POTEJ: variants seen among roughly 807,000 people sequenced by gnomAD.
POTEJ encodes POTE ankyrin domain family member J, also known as POTE ankyrin domain family, member J.
In POTEJ, 11 loss-of-function variants were observed where a neutral mutation model predicts 69.0. The observed-to-expected ratio is 0.16, with a 90% CI of 0.10 to 0.26. The LOEUF (loss-of-function observed/expected upper bound fraction) is 0.26. POTEJ is among the 10% of genes least tolerant of loss of function. The pLI is 1.00. For synonymous variants in POTEJ, 117 were observed against 381.1 expected, an observed-to-expected ratio of 0.31 and a Z score of 8.07; for missense variants, 327 against 1,045.5, an observed-to-expected ratio of 0.31 and a Z score of 9.48.
At position 130,657,421 on chromosome 2, in the gene POTEJ, G is replaced by C; in HGVS notation, c.2661G>C (p.Glu887Asp). ...EKLCYVALDF[E>D]QEMAMVASSS... The stretch of plus-strand genomic sequence containing the variant: ...TGTGCTATGTTGCCCTGGACTTCGA[G>C]CAGGAGATGGCCATGGTGGCCTCCA... Residue 887 changes from glutamate (E) to aspartate (D), a missense_variant, in exon 15 of 15, where the codon GAG (glutamate) becomes GAC (aspartate). By Grantham distance (45) the Glu-to-Asp change is conservative. Transcript: ENST00000409602. 3.1e-6 allele frequency: 5 copies of C among 1,600,126 alleles called. No individual in the cohort carries two copies. The South Asian group carries it at 5.5e-5, about 18-fold the overall frequency.
At chr2:130,632,284 A>T (rs1685931340) in intron 8 of POTEJ, among the ~76,000 whole-genome samples, 1 of 148,984 alleles carries the variant, frequency 6.7e-6, no homozygotes. Flanking sequence ...AATGAAGCAA[A>T]CTTTACAAAA....
chr2:130,625,470 T>G (rs1192402945), intron 6 of POTEJ, among the ~76,000 whole-genome samples: 1 of 151,938 alleles, frequency 6.6e-6, no homozygotes, highest in East Asian at 1.9e-4. Flanking sequence ...TATGATTTAT[T>G]ATATATTGAT....
intron 9 of POTEJ, among the ~76,000 whole-genome samples, chr2:130,637,067 A>T (rs1686120191): frequency 6.8e-6 from 1 of 146,870 alleles, no homozygotes; most frequent in Non-Finnish European, 1.5e-5. Flanking sequence ...TGACAGAGCA[A>T]GACTCCGTCT....
At chr2:130,655,976 G>C (rs1482632008) in intron 14 of POTEJ, among the ~76,000 whole-genome samples, 2 of 141,228 alleles carry the variant, frequency 1.4e-5, no homozygotes, top group Non-Finnish European at 3.1e-5. Context: ...GCTTAGATTT[G>C]ACAGTTATAA....
At chr2:130,638,197 TA>T (rs201405611) in intron 9 of POTEJ, among the ~76,000 whole-genome samples, 3 of 133,902 alleles carry the variant, frequency 2.2e-5, no homozygotes, top group Non-Finnish European at 5.0e-5. Context: ...TTTGAGCATT[TA>T]AAAAAATGTT....
At chr2:130,613,416 T>TG (rs1685315702) in intron 1 of POTEJ, among the ~76,000 whole-genome samples, 8 of 100,338 alleles carry the variant, frequency 8.0e-5, no homozygotes, top group East Asian at 3.2e-4. Flanking sequence ...ATATACTTTT[T>TG]TTTTTGGTGG....
At chr2:130,626,885 G>C (rs1685729730) in intron 6 of POTEJ, among the ~76,000 whole-genome samples, 1 of 152,148 alleles carries the variant, frequency 6.6e-6, no homozygotes, top group African/African-American at 2.4e-5. Flanking sequence ...TTTCATGTAA[G>C]AAATAACATT....
chr2:130,613,312 ACATATATATACATATGTATATAT>A, intron 1 of POTEJ, among the ~76,000 whole-genome samples: 1 of 134,240 alleles, frequency 7.4e-6, no homozygotes, highest in East Asian at 2.1e-4. Context: ...ATGTATATAT[ACATATATATACATATGTATATAT>A]ACATATATAT....
Position 130,630,843 on chromosome 2 carries a change from T to C in POTEJ, c.1087-566T>C, listed in dbSNP as rs1353935838. The stretch of plus-strand genomic sequence containing the variant: ...ATAATCTGGATACATAACACTATCA[T>C]ATGACAGTATATAATCTCAATTAAA... On this transcript the variant is annotated intron_variant, in intron 7 of 14. Transcript: ENST00000409602. 4.1e-5 allele frequency among the ~76,000 whole-genome samples: 6 copies of C among 144,648 alleles called. 1 individual carries two copies. Among genetic ancestry groups the C allele is most frequent in the Non-Finnish European group, 7.6e-5 (5 of 66,056 alleles). The allele number at this position is 144,648 out of a possible 152,430, so 94.9% of individuals were successfully genotyped here. A position where few individuals can be genotyped will look rare whatever the true frequency, so the allele number is the denominator to read the frequency against.
intron 10 of POTEJ, among the ~76,000 whole-genome samples, chr2:130,640,506 C>T (rs1171757924): frequency 6.7e-6 from 1 of 150,342 alleles, no homozygotes; most frequent in Non-Finnish European, 1.5e-5. Flanking sequence ...TCATTGATAT[C>T]CTAGGATCCC....
At chr2:130,617,865 AG>A (rs1360317349) in intron 3 of POTEJ, among the ~76,000 whole-genome samples, 1 of 152,312 alleles carries the variant, frequency 6.6e-6, no homozygotes, top group African/African-American at 2.4e-5. Context: ...TGGTGAGACA[AG>A]GTTCTCTTCA....
chr2:130,623,955 G>C, intron 5 of POTEJ, 109 bp from the exon 6 acceptor site: 1 of 1,054,204 alleles, frequency 9.5e-7, no homozygotes, highest in Non-Finnish European at 1.3e-6. Context: ...ATACTATTAA[G>C]TTCTGATATT....
chr2:130,633,738 TG>T (rs1558924507), intron 9 of POTEJ, among the ~76,000 whole-genome samples: 2 of 143,182 alleles, frequency 1.4e-5, no homozygotes, highest in Admixed American at 6.9e-5. Flanking sequence ...ACCCTCAATC[TG>T]AATATTGCCA....
intron 13 of POTEJ, among the ~76,000 whole-genome samples, chr2:130,650,118 A>T (rs1460961877): frequency 3.9e-5 from 6 of 152,280 alleles, no homozygotes; most frequent in Admixed American, 3.9e-4. Context: ...CTCTAACGTA[A>T]TTGAGGGAAG....
intron 11 of POTEJ, among the ~76,000 whole-genome samples, chr2:130,645,499 TATTTTTCAC>T (rs1302548760): frequency 2.9e-5 from 4 of 136,596 alleles, no homozygotes; most frequent in African/African-American, 5.3e-5. Flanking sequence ...TAAGGTGAAT[TATTTTTCAC>T]ATGTTAGAAG....
intron 13 of POTEJ, among the ~76,000 whole-genome samples, chr2:130,649,900 T>C (rs1259476872): frequency 4.6e-5 from 7 of 151,990 alleles, no homozygotes; most frequent in Non-Finnish European, 8.8e-5. Flanking sequence ...AAATCCCCTT[T>C]CTAAGAAGAA....
chr2:130,639,139 C>T (rs4340535), intron 10 of POTEJ, among the ~76,000 whole-genome samples: 2 of 152,020 alleles, frequency 1.3e-5, no homozygotes, highest in Admixed American at 6.5e-5. Context: ...GCTGTAAATA[C>T]AGATGAAGCT....
chr2:130,613,299 C>CGT (rs1685294432), intron 1 of POTEJ, among the ~76,000 whole-genome samples: 1 of 101,566 alleles, frequency 9.8e-6, no homozygotes. Context: ...CATATATATA[C>CGT]ATATGTATAT....
chr2:130,639,181 G>C (rs1466688605), intron 10 of POTEJ, among the ~76,000 whole-genome samples: 1 of 152,312 alleles, frequency 6.6e-6, no homozygotes, highest in Non-Finnish European at 1.5e-5. Context: ...ACCTCCTCCT[G>C]TGTGGCATGG....
Sources: gnomAD v4.1 joint callset for allele counts (sites outside exome capture counted in the v4.1 genomes callset) on GRCh38, gnomAD v4.1.1 for gene constraint, MANE v1.5 for transcripts, NCBI Gene and HGNC (gene_info 2026-07-23, HGNC 2026-07-21) for gene names.